The following PACRG variants were observed in gnomAD, a reference collection of about 807,000 sequenced individuals.
PACRG encodes the protein parkin coregulated gene protein.
A neutral mutation model predicts 29.7 loss-of-function variants in PACRG; 29 were observed. The observed-to-expected ratio is 0.98, with a 90% CI of 0.73 to 1.33. The LOEUF is 1.33. Among genes scored for constraint, PACRG ranks in the 40% most tolerant of loss-of-function variants. The pLI, the probability that PACRG is intolerant of heterozygous loss-of-function variation, is 0.00. For synonymous variants in PACRG, 116 were observed against 118.7 expected (o/e 0.98, Z 0.15); for missense variants, 279 against 316.2 (o/e 0.88, Z 0.89).
At chr6:163,275,988 TTTCC>T (rs750025768) in intron 4 of PACRG, among the ~76,000 whole-genome samples, 1,748 of 139,674 alleles carry the variant, frequency 0.013, 43 homozygotes, top group African/African-American at 0.045. Flanking sequence ...TATTATTCTC[TTTCC>T]TTCCTTCCTT....
At chr6:163,119,719 C>A (rs1816180635) in intron 4 of PACRG, among the ~76,000 whole-genome samples, 2 of 152,134 alleles carry the variant, frequency 1.3e-5, no homozygotes, top group Admixed American at 6.5e-5. Context: ...TGCATAAAAA[C>A]CACTTCTTGT....
chr6:163,111,567 A>C (rs145347256), intron 4 of PACRG, among the ~76,000 whole-genome samples: 5 of 152,340 alleles, frequency 3.3e-5, no homozygotes, highest in African/African-American at 9.6e-5. Context: ...AATTAAGTAC[A>C]TTCAAGGAGG....
chr6:162,885,662 C>T (rs906529470), intron 2 of PACRG, among the ~76,000 whole-genome samples: 3 of 152,158 alleles, frequency 2.0e-5, no homozygotes, highest in Non-Finnish European at 4.4e-5. Flanking sequence ...TGGGAACCAA[C>T]CCTGTATTTC....
intron 2 of PACRG, among the ~76,000 whole-genome samples, chr6:163,039,039 C>T (rs1808456115): frequency 6.6e-6 from 1 of 152,138 alleles, no homozygotes; most frequent in Admixed American, 6.5e-5. Flanking sequence ...ACTGTTATCC[C>T]TGTGTGTCGA....
chr6:163,074,495 A>G (rs1444990942), intron 3 of PACRG, among the ~76,000 whole-genome samples: 1 of 152,200 alleles, frequency 6.6e-6, no homozygotes, highest in Non-Finnish European at 1.5e-5. Flanking sequence ...ATTTGCTAGC[A>G]AAACAGGGTG....
At chr6:163,101,404 T>C (rs1815076883) in intron 4 of PACRG, 1 of 970,708 alleles carries the variant, frequency 1.0e-6, no homozygotes, top group African/African-American at 1.8e-5. Flanking sequence ...CAGAAATCAC[T>C]GAATGTTACA....
At position 163,196,874 on chromosome 6, in the gene PACRG, C is replaced by T. The variant is rs115883732; in HGVS notation, c.613+107466C>T. ...ATAGACAAATAGACAGACAAATAGACAGGTAGATAGATGGATAGACATGTA... is the reference window on the plus strand; with the variant it reads ...ATAGACAAATAGACAGACAAATAGATAGGTAGATAGATGGATAGACATGTA... On this transcript the variant is annotated intron_variant, in intron 4 of 4. Transcript: ENST00000366888. Among the ~76,000 whole-genome samples, 931 of 151,058 alleles carry T rather than the reference C, an allele frequency of 6.2e-3. 12 individuals are homozygous for T. Among genetic ancestry groups the T allele is most frequent in the South Asian group, 0.022 (104 of 4,770 alleles).
At chr6:162,948,084 C>T (rs565425104) in intron 2 of PACRG, among the ~76,000 whole-genome samples, 73 of 151,834 alleles carry the variant, frequency 4.8e-4, no homozygotes, top group African/African-American at 1.5e-3. Context: ...CCTGAATAGC[C>T]GAAGCAATCC....
chr6:163,019,870 C>T (rs115805787), intron 2 of PACRG, among the ~76,000 whole-genome samples: 1,996 of 152,204 alleles, frequency 0.013, 50 homozygotes, highest in African/African-American at 0.043. Flanking sequence ...CTCCCCCTTT[C>T]GCCTATAGAA....
intron 2 of PACRG, among the ~76,000 whole-genome samples, chr6:162,905,445 A>T (rs545623128): frequency 1.3e-5 from 2 of 152,334 alleles, no homozygotes; most frequent in South Asian, 4.1e-4. Context: ...CCAGACTGGC[A>T]GCATTTACAG....
intron 2 of PACRG, among the ~76,000 whole-genome samples, chr6:163,036,843 C>T (rs561565450): frequency 4.1e-5 from 6 of 148,110 alleles, no homozygotes; most frequent in Non-Finnish European, 6.0e-5. Flanking sequence ...CATCCATCCA[C>T]CTATCCATCC....
chr6:162,731,749 CAT>C (rs1237881408), intron 1 of PACRG, among the ~76,000 whole-genome samples: 9 of 152,234 alleles, frequency 5.9e-5, no homozygotes, highest in African/African-American at 1.2e-4. Flanking sequence ...ATTTACCAAT[CAT>C]GTGCTCATTT....
intron 1 of PACRG, among the ~76,000 whole-genome samples, chr6:162,757,622 C>G (rs1028695475): frequency 1.3e-5 from 2 of 151,986 alleles, no homozygotes; most frequent in African/African-American, 4.8e-5. Context: ...GCAGGAGAAT[C>G]GCTTGAACCT....
At chr6:163,256,377 A>G (rs2128173730) in intron 4 of PACRG, among the ~76,000 whole-genome samples, 1 of 152,332 alleles carries the variant, frequency 6.6e-6, no homozygotes, top group Non-Finnish European at 1.5e-5. Flanking sequence ...ATCTGTACTT[A>G]CAGAGGATTC....
At chr6:163,272,051 T>TA (rs912153940) in intron 4 of PACRG, among the ~76,000 whole-genome samples, 1 of 151,462 alleles carries the variant, frequency 6.6e-6, no homozygotes, top group African/African-American at 2.4e-5. Flanking sequence ...TTCTTTTTTT[T>TA]TTTTCAAGAT....
intron 4 of PACRG, among the ~76,000 whole-genome samples, chr6:163,119,802 C>A (rs1816184568): frequency 6.6e-6 from 1 of 152,112 alleles, no homozygotes; most frequent in Non-Finnish European, 1.5e-5. Flanking sequence ...CAAAAAGTTT[C>A]TCTCTTAATT....
chr6:162,848,963 T>C (rs2128422231), intron 2 of PACRG, among the ~76,000 whole-genome samples: 1 of 152,250 alleles, frequency 6.6e-6, no homozygotes, highest in Non-Finnish European at 1.5e-5. Context: ...AGAGAGCAAC[T>C]TTAGGGGAAA....
chr6:162,727,764 C>T (rs1232075505), upstream of PACRG: 16 of 1,278,014 alleles, frequency 1.3e-5, no homozygotes, highest in East Asian at 3.8e-4. Flanking sequence ...TGGGTTAAAT[C>T]CTCCAGGCCT....
chr6:162,925,513 G>A (rs1457174586), intron 2 of PACRG, among the ~76,000 whole-genome samples: 1 of 152,012 alleles, frequency 6.6e-6, no homozygotes, highest in African/African-American at 2.4e-5. Context: ...GTTCAACATA[G>A]CAAATCAGTA....
Sources: allele counts gnomAD v4.1 joint callset (sites outside exome capture counted in the v4.1 genomes callset), GRCh38; gene constraint gnomAD v4.1.1; transcripts MANE v1.5; gene names NCBI Gene and HGNC (gene_info 2026-07-23, HGNC 2026-07-21).